ZNF148: variants seen among roughly 807,000 people sequenced by gnomAD.
ZNF148 encodes the protein Beta-Enolase Repressor Factor-1.
ZNF148 carries 7 observed loss-of-function variants against 67.7 expected under a neutral mutation model. The observed-to-expected ratio is 0.10, with a 90% CI of 0.06 to 0.19. The LOEUF (loss-of-function observed/expected upper bound fraction) is 0.19, where lower values mean the gene tolerates loss of function less well. ZNF148 is among the 10% of genes least tolerant of loss of function. The pLI is 1.00. For missense variants in ZNF148, 583 were observed against 947.1 expected (o/e 0.62, Z 5.05); for synonymous variants, 333 against 330.7 (o/e 1.01, Z -0.08).
At chr3:125,282,391 G>A (rs1264334527) in intron 5 of ZNF148, among the ~76,000 whole-genome samples, 1 of 152,060 alleles carries the variant, frequency 6.6e-6, no homozygotes, top group Non-Finnish European at 1.5e-5. Context: ...TACAACTGAA[G>A]AATTTTATGT....
chr3:125,357,540 GGCGGCAGCCCACCC>G (rs1328480936), intron 1 of ZNF148, among the ~76,000 whole-genome samples: 1 of 151,612 alleles, frequency 6.6e-6, no homozygotes, highest in Non-Finnish European at 1.5e-5. Context: ...GACCCAGGCG[GGCGGCAGCCCACCC>G]GCCACCACGC....
At chr3:125,362,143 A>G (rs1942562600) in intron 1 of ZNF148, among the ~76,000 whole-genome samples, 1 of 152,188 alleles carries the variant, frequency 6.6e-6, no homozygotes, top group East Asian at 1.9e-4. Flanking sequence ...TCCACAACAG[A>G]TTTATTCTAA....
intron 4 of ZNF148, among the ~76,000 whole-genome samples, chr3:125,312,399 C>T (rs1452421782): frequency 6.6e-6 from 1 of 152,196 alleles, no homozygotes; most frequent in East Asian, 1.9e-4. Flanking sequence ...GTTATCCGCT[C>T]ATTCACACCA....
In ZNF148 at chr3:125,273,487, T is replaced by G. The variant is rs144223650; in HGVS notation, c.667+4239A>C. On this transcript the variant is annotated intron_variant, in intron 7 of 8. Transcript: ENST00000360647. ...AGTTTTTTCAAAAATCTCTTTTTTT[T>G]GGGAAGAGAATCTTTTTTTTTTTTT... is the stretch of plus-strand genomic sequence containing the variant. 7.6e-3 allele frequency among the ~76,000 whole-genome samples: 1,085 copies of G among 143,662 alleles called. 7 individuals carry two copies. Among genetic ancestry groups the G allele is most frequent in the African/African-American group, 0.026 (1,001 of 38,242 alleles). The allele number at this position is 143,662 out of a possible 152,430, so 94.2% of individuals were successfully genotyped here.
intron 1 of ZNF148, among the ~76,000 whole-genome samples, chr3:125,372,456 T>A (rs907959459): frequency 1.3e-5 from 2 of 152,220 alleles, no homozygotes; most frequent in Non-Finnish European, 2.9e-5. Flanking sequence ...ATAATGTCAA[T>A]GACACATTCA....
intron 7 of ZNF148, among the ~76,000 whole-genome samples, chr3:125,269,648 T>C (rs1937630386): frequency 6.6e-6 from 1 of 152,230 alleles, no homozygotes; most frequent in African/African-American, 2.4e-5. Context: ...GAATGACACA[T>C]GCACTCATAC....
chr3:125,247,574 A>T (rs1169721436), intron 7 of ZNF148, among the ~76,000 whole-genome samples: 1 of 151,992 alleles, frequency 6.6e-6, no homozygotes, highest in Non-Finnish European at 1.5e-5. Flanking sequence ...AGTAGCTGGG[A>T]TTACAGGGAC....
chr3:125,299,706 T>C (rs2107647283), intron 4 of ZNF148, among the ~76,000 whole-genome samples: 1 of 152,276 alleles, frequency 6.6e-6, no homozygotes, highest in East Asian at 1.9e-4. Context: ...TACTTGCCTG[T>C]TGAGTTGAAA....
chr3:125,337,774 C>T (rs761658121), intron 1 of ZNF148, among the ~76,000 whole-genome samples: 2 of 152,092 alleles, frequency 1.3e-5, no homozygotes, highest in Non-Finnish European at 2.9e-5. Context: ...GGTTAAGTAA[C>T]GAAGATTACA....
chr3:125,282,514 G>A (rs1186023127), intron 5 of ZNF148, among the ~76,000 whole-genome samples: 1 of 151,982 alleles, frequency 6.6e-6, no homozygotes, highest in African/African-American at 2.4e-5. Context: ...AAGCAATCAG[G>A]TTTTAGCAAG....
At chr3:125,252,298 T>C (rs1261568055) in intron 7 of ZNF148, among the ~76,000 whole-genome samples, 1 of 152,124 alleles carries the variant, frequency 6.6e-6, no homozygotes, top group African/African-American at 2.4e-5. Context: ...TTTAGGATTT[T>C]CCCCCCATTC....
chr3:125,267,075 GAA>G (rs35531442), intron 7 of ZNF148, among the ~76,000 whole-genome samples: 3 of 105,232 alleles, frequency 2.9e-5, no homozygotes, highest in East Asian at 2.8e-4. Context: ...AACCAGGAAA[GAA>G]AAAAAAAAAA....
At chr3:125,331,093 G>A in intron 2 of ZNF148, 65 bp downstream of exon 2, 1 of 398,322 alleles carries the variant, frequency 2.5e-6, no homozygotes, top group Non-Finnish European at 4.4e-6. Context: ...TTGTAAGTAT[G>A]TGTAGTAACA....
chr3:125,279,207 G>A lies in ZNF148; in HGVS notation c.500C>T (p.Thr167Ile). Residue 167 changes from threonine (T) to isoleucine (I), a missense_variant, in exon 6 of 9, where the codon ACC becomes ATC. Physicochemically the swap from Thr to Ile is moderately conservative, Grantham distance 89. Transcript: ENST00000360647. Reference sequence around the variant, plus strand: ...GTGCTCACAAACGTGAGATTTAGGGGTTTTCAAACCAAGTGATCCATCCTC... The same window carrying A: ...GTGCTCACAAACGTGAGATTTAGGGATTTTCAAACCAAGTGATCCATCCTC... ...INEDGSLGLK[T>I]PKSHVCEHCN... is the part of the protein sequence containing the mutation. The A allele has an allele frequency of 6.3e-7, 1 of 1,597,014 alleles. No individual in the cohort carries two copies. The highest frequency in any genetic ancestry group is 8.5e-7 in the Non-Finnish European group (1 of 1,172,022).
intron 4 of ZNF148, among the ~76,000 whole-genome samples, chr3:125,312,358 G>C (rs1940260263): frequency 1.3e-5 from 2 of 152,184 alleles, no homozygotes; most frequent in African/African-American, 4.8e-5. Context: ...TAAAGCTGGT[G>C]AATGTATGTA....
At chr3:125,301,987 C>A (rs1939611670) in intron 4 of ZNF148, among the ~76,000 whole-genome samples, 1 of 152,102 alleles carries the variant, frequency 6.6e-6, no homozygotes, top group African/African-American at 2.4e-5. Flanking sequence ...AATGCTTGAA[C>A]CCAGGAGGTG....
At chr3:125,240,362 A>G (rs1936293750) in intron 7 of ZNF148, among the ~76,000 whole-genome samples, 1 of 152,168 alleles carries the variant, frequency 6.6e-6, no homozygotes, top group African/African-American at 2.4e-5. Flanking sequence ...ACACACATAC[A>G]TACACAAACT....
chr3:125,298,024 A>T (rs1939374662), intron 4 of ZNF148, among the ~76,000 whole-genome samples: 1 of 152,218 alleles, frequency 6.6e-6, no homozygotes, highest in African/African-American at 2.4e-5. Flanking sequence ...ACATGCAATA[A>T]CATGGGTATA....
intron 7 of ZNF148, among the ~76,000 whole-genome samples, chr3:125,240,630 T>A (rs1340226263): frequency 6.6e-6 from 1 of 151,876 alleles, no homozygotes; most frequent in Non-Finnish European, 1.5e-5. Flanking sequence ...CAGGGTGTGG[T>A]GGCACATGTC....
Sources: allele counts gnomAD v4.1 joint callset (sites outside exome capture counted in the v4.1 genomes callset), GRCh38; gene constraint gnomAD v4.1.1; transcripts MANE v1.5; gene names NCBI Gene and HGNC (gene_info 2026-07-23, HGNC 2026-07-21).